Variants in PM20D2 observed in about 807,000 individuals in gnomAD.
PM20D2 encodes xaa-Arg dipeptidase.
In PM20D2, 33 loss-of-function variants were observed where a neutral mutation model predicts 42.9. That is an observed-to-expected ratio of 0.77 (90% CI 0.58 to 1.03). PM20D2 has a LOEUF of 1.03. Ranked by LOEUF, PM20D2 falls within the 50% of genes least tolerant of loss-of-function variation. The pLI, the probability that PM20D2 is intolerant of heterozygous loss-of-function variation, is 0.00. For synonymous variants in PM20D2, 250 were observed against 228.2 expected, an observed-to-expected ratio of 1.10 and a Z score of -0.86; for missense variants, 548 against 557.0, an observed-to-expected ratio of 0.98 and a Z score of 0.16.
At chr6:89,160,223 A>T (rs898257634) in intron 5 of PM20D2, among the ~76,000 whole-genome samples, 1 of 152,138 alleles carries the variant, frequency 6.6e-6, no homozygotes, top group Non-Finnish European at 1.5e-5. Flanking sequence ...ATATTTTCTG[A>T]AGCAGTACTT....
chr6:89,133,578 G>A, the PM20D2 span, among the ~76,000 whole-genome samples: 2 of 150,974 alleles, frequency 1.3e-5, 1 homozygote, highest in African/African-American at 5.0e-5. Flanking sequence ...ATCCTCCCTT[G>A]CCTGTAGATA....
chr6:89,148,269 G>T (rs1040204387), intron 1 of PM20D2, among the ~76,000 whole-genome samples: 27 of 151,994 alleles, frequency 1.8e-4, no homozygotes, highest in African/African-American at 6.3e-4. Context: ...ATGAGTCACC[G>T]CTCCCGGCCC....
In PM20D2 at chr6:89,164,938, A is replaced by AAAAAAAAAAG. The variant is rs1554188017; in HGVS notation, c.*2679_*2680insAAAAAGAAAA. ...CTGTGCCTGTAAAAAAAAAAAAAAA[A>AAAAAAAAAAG]AAAAGAAAAGAAAAGACACTGTTGC... On this transcript the variant is annotated 3_prime_UTR_variant, in exon 7 of 7. Transcript: ENST00000275072. 3 of 142,798 alleles carry AAAAAAAAAAG rather than the reference A, an allele frequency of 2.1e-5. No individual in the cohort carries two copies. The highest frequency in any genetic ancestry group is 2.2e-4 in the East Asian group (1 of 4,540). The allele number at this position is 142,798 out of a possible 1,614,324, so 8.8% of individuals were successfully genotyped here. A position where few individuals can be genotyped will look rare whatever the true frequency, so the allele number is the denominator to read the frequency against.
chr6:89,106,859 T>C, the PM20D2 span: 2 of 413,008 alleles, frequency 4.8e-6, no homozygotes, highest in Non-Finnish European at 9.4e-6. Context: ...GATAAAGACT[T>C]CCCCTCTTCC....
the PM20D2 span, among the ~76,000 whole-genome samples, chr6:89,115,672 T>C: frequency 6.7e-6 from 1 of 149,234 alleles, no homozygotes. Flanking sequence ...GTCCTCGCTC[T>C]GTCTCCCAGG....
upstream of PM20D2, among the ~76,000 whole-genome samples, chr6:89,141,641 C>T (rs1770305652): frequency 6.6e-6 from 1 of 152,224 alleles, no homozygotes; most frequent in South Asian, 2.1e-4. Flanking sequence ...GCTGGGATTA[C>T]AAGCGTGAGC....
intron 1 of PM20D2, chr6:89,148,683 G>A: frequency 3.5e-6 from 2 of 569,574 alleles, no homozygotes; most frequent in South Asian, 7.7e-5. Flanking sequence ...AGCCCAGTAA[G>A]GAATCAGAGT....
chr6:89,105,007 G>T, the PM20D2 span: 1 of 1,074,078 alleles, frequency 9.3e-7, no homozygotes, highest in Non-Finnish European at 1.3e-6. Flanking sequence ...AGTGGGCCAT[G>T]ATCGCACACT....
At chr6:89,112,218 A>T in the PM20D2 span, among the ~76,000 whole-genome samples, 1 of 152,064 alleles carries the variant, frequency 6.6e-6, no homozygotes. Context: ...TCCCGGCCTA[A>T]AACTTATTTT....
At chr6:89,117,867 G>A in the PM20D2 span, 9 of 1,563,188 alleles carry the variant, frequency 5.8e-6, no homozygotes, top group Admixed American at 1.9e-5. Context: ...AGGTGTTGGG[G>A]GGCCTCGTGT....
chr6:89,147,753 C>T (rs1467930258), intron 1 of PM20D2, among the ~76,000 whole-genome samples: 2 of 150,162 alleles, frequency 1.3e-5, no homozygotes, highest in Non-Finnish European at 3.0e-5. Context: ...ATTAGCTGGG[C>T]GTGGTGGCTC....
chr6:89,101,081 C>G, the PM20D2 span, among the ~76,000 whole-genome samples: 1 of 149,076 alleles, frequency 6.7e-6, no homozygotes, highest in Non-Finnish European at 1.5e-5. Flanking sequence ...TGCACCCCAA[C>G]CTGGGCAACA....
the PM20D2 span, among the ~76,000 whole-genome samples, chr6:89,109,952 G>T: frequency 2.7e-4 from 41 of 152,214 alleles, no homozygotes; most frequent in Admixed American, 7.9e-4. Context: ...TTAACTGGGC[G>T]TGGTGGCGGG....
chr6:89,117,855 G>C, the PM20D2 span: 2 of 1,562,012 alleles, frequency 1.3e-6, no homozygotes, highest in Admixed American at 3.7e-5. Context: ...TGATGAACAG[G>C]GAGGTGTTGG....
At chr6:89,155,465 G>A (rs1355061403) in intron 4 of PM20D2, among the ~76,000 whole-genome samples, 2 of 150,140 alleles carry the variant, frequency 1.3e-5, no homozygotes, top group East Asian at 4.0e-4. Flanking sequence ...TTTTTTGTAT[G>A]TTTTTCTGGA....
At chr6:89,147,997 TTTTTG>T (rs1770664412) in intron 1 of PM20D2, among the ~76,000 whole-genome samples, 1 of 148,624 alleles carries the variant, frequency 6.7e-6, no homozygotes. Context: ...TTTTTTTTTT[TTTTTG>T]AGACAGTCTC....
the PM20D2 span, chr6:89,118,050 G>C: frequency 2.2e-6 from 1 of 464,040 alleles, no homozygotes; most frequent in Non-Finnish European, 3.2e-6. Flanking sequence ...GGCGCAGAGG[G>C]GGCGCAGCGC....
chr6:89,146,458 C>G lies in PM20D2; in HGVS notation c.314C>G (p.Pro105Arg), dbSNP rs1184931912. ...EARAPSATPR[P>R]LHLGFLCEYD... ...CGGGCACCGAGCGCCACGCCACGCC[C>G]GCTGCACCTGGGCTTCCTCTGCGAG... Residue 105 changes from proline (P) to arginine (R), a missense_variant, in exon 1 of 7, where the codon CCG becomes CGG. Physicochemically the swap from Pro to Arg is moderately radical, Grantham distance 103. Coordinates refer to ENST00000275072, the MANE Select transcript of PM20D2 (RefSeq NM_001010853.3). 3 of 1,523,332 alleles carry G rather than the reference C, an allele frequency of 2.0e-6. No homozygotes were observed. The highest frequency in any genetic ancestry group is 2.6e-6 in the Non-Finnish European group (3 of 1,142,836). The allele number at this position is 1,523,332 out of a possible 1,614,324, so 94.4% of individuals were successfully genotyped here. A position where few individuals can be genotyped will look rare whatever the true frequency, so the allele number is the denominator to read the frequency against.
chr6:89,155,395 C>T (rs1036353011), intron 4 of PM20D2, among the ~76,000 whole-genome samples: 9 of 150,976 alleles, frequency 6.0e-5, no homozygotes, highest in South Asian at 2.1e-4. Context: ...TCACCTCTGC[C>T]TCCCACCTCA....
Sources: allele counts gnomAD v4.1 joint callset (sites outside exome capture counted in the v4.1 genomes callset), GRCh38; gene constraint gnomAD v4.1.1; transcripts MANE v1.5; gene names NCBI Gene and HGNC (gene_info 2026-07-23, HGNC 2026-07-21).